The following ZP4 variants were observed in gnomAD, a reference collection of about 807,000 sequenced individuals.
The protein encoded by ZP4 is zona pellucida glycoprotein 4, also known as zona pellucida sperm-binding protein 4.
A neutral mutation model predicts 62.3 loss-of-function variants in ZP4; 62 were observed. The observed-to-expected ratio is 0.99, with a 90% CI of 0.81 to 1.23. The LOEUF (loss-of-function observed/expected upper bound fraction) is 1.23. ZP4 is among the 50% of genes most tolerant of loss of function. The pLI is 0.00. For synonymous variants in ZP4, 289 were observed against 247.3 expected (o/e 1.17, Z -1.58); for missense variants, 774 against 656.0 (o/e 1.18, Z -1.97).
At chr1:237,883,315 G>A (rs1273642214) in intron 10 of ZP4, among the ~76,000 whole-genome samples, 2 of 151,866 alleles carry the variant, frequency 1.3e-5, no homozygotes, top group Non-Finnish European at 2.9e-5. Context: ...GATGGCAAAT[G>A]GAAGAGTGGG....
At chr1:237,889,010 G>A (rs970253482) in intron 3 of ZP4, among the ~76,000 whole-genome samples, 2 of 152,156 alleles carry the variant, frequency 1.3e-5, no homozygotes, top group African/African-American at 2.4e-5. Context: ...CTGACTTTGA[G>A]GACGGGCTCT....
chr1:237,886,022 G>A (rs929502130), intron 6 of ZP4, 136 bp from the exon 7 acceptor site: 4 of 1,223,358 alleles, frequency 3.3e-6, no homozygotes, highest in Non-Finnish European at 4.5e-6. Flanking sequence ...CTGCCCTGCT[G>A]GGAGCTGTAT....
At position 237,882,741 on chromosome 1, in the gene ZP4, C is replaced by T. The variant is rs150581114; in HGVS notation, c.1495+1G>A. On this transcript the variant is annotated splice_donor_variant, in intron 11 of 11. Transcript: ENST00000366570. LOFTEE classifies it high-confidence loss of function. Reference sequence around the variant, plus strand: ...TGATCTCCTCCCTCTTGGATACTTACGGAGCTTTTCTGGAGGGTCCTTAGT... The same window carrying T: ...TGATCTCCTCCCTCTTGGATACTTATGGAGCTTTTCTGGAGGGTCCTTAGT... 11 of 1,613,618 alleles carry T rather than the reference C, an allele frequency of 6.8e-6. No homozygotes were observed. Among genetic ancestry groups the T allele is most frequent in the African/African-American group, 5.3e-5 (4 of 74,874 alleles).
intron 6 of ZP4, 132 bp from the exon 7 acceptor site, chr1:237,886,018 T>C: frequency 8.1e-7 from 1 of 1,234,954 alleles, no homozygotes; most frequent in East Asian, 2.4e-5. Flanking sequence ...GTTCCTGCCC[T>C]GCTGGGAGCT....
chr1:237,889,046 G>C (rs1284242861), intron 3 of ZP4, among the ~76,000 whole-genome samples: 1 of 152,170 alleles, frequency 6.6e-6, no homozygotes, highest in African/African-American at 2.4e-5. Flanking sequence ...TTCTAAAGTT[G>C]AGTAGGCATC....
chr1:237,888,299 G>C, intron 4 of ZP4, 59 bp downstream of exon 4: 1 of 1,461,270 alleles, frequency 6.8e-7, no homozygotes, highest in Non-Finnish European at 9.1e-7. Flanking sequence ...CCCTCTCTGG[G>C]TTTCATTGTA....
intron 6 of ZP4, among the ~76,000 whole-genome samples, chr1:237,886,331 G>A (rs553191124): frequency 2.0e-5 from 3 of 152,266 alleles, no homozygotes; most frequent in Non-Finnish European, 2.9e-5. Context: ...AAGTGAACAG[G>A]CTGGAGATGA....
rs1665204504 is a variant in ZP4, at chr1:237,890,094, C to T, written c.258G>A (p.Val86=). ...WIRKGPGSSV[V]LEATYSSCYV... Reference sequence around the variant, plus strand: ...AGCAGCTGCTATAGGTTGCCTCCAACACCACGGAGCTGCCTGGACCTTTTC... The same window carrying T: ...AGCAGCTGCTATAGGTTGCCTCCAATACCACGGAGCTGCCTGGACCTTTTC... The change falls in exon 2 of 12, where the codon GTG becomes GTA. Residue 86 remains valine, a synonymous_variant. Coordinates refer to ENST00000366570, the MANE Select transcript of ZP4 (RefSeq NM_021186.5). 1.2e-6 allele frequency: 2 copies of T among 1,614,050 alleles called. No homozygotes were observed. The highest frequency in any genetic ancestry group is 1.1e-5 in the South Asian group (1 of 91,088).
rs1315646464 is a variant in ZP4, at chr1:237,883,760, AG to A, written c.1391-915del. ...GAGAGAGGGAGAGAGAGGGAGAGAG[AG>A]GGAGAGAGAGGAAGAGAGAGGAAGA... On this transcript the variant is annotated intron_variant, in intron 10 of 11. Coordinates refer to ENST00000366570, the MANE Select transcript of ZP4 (RefSeq NM_021186.5). Among the ~76,000 whole-genome samples the A allele has an allele frequency of 3.8e-4, 49 of 129,596 alleles. 3 individuals are homozygous for A. Among genetic ancestry groups the A allele is most frequent in the Non-Finnish European group, 7.9e-4 (47 of 59,730 alleles). The allele number at this position is 129,596 out of a possible 152,430, so 85.0% of individuals were successfully genotyped here. A position where few individuals can be genotyped will look rare whatever the true frequency, so the allele number is the denominator to read the frequency against.
At position 237,885,455 on chromosome 1, in the gene ZP4, G is replaced by A. The variant is rs1433541197; in HGVS notation, c.1096C>T (p.Gln366Ter). The A allele has an allele frequency of 1.9e-6, 3 of 1,614,134 alleles. No individual in the cohort carries two copies. Among genetic ancestry groups the A allele is most frequent in the Non-Finnish European group, 2.5e-6 (3 of 1,180,020 alleles). The change falls in exon 8 of 12, where the codon CAG (glutamine) becomes TAG (stop). Residue 366 changes from glutamine to a stop codon, truncating the protein, a stop_gained. Transcript: ENST00000366570. LOFTEE classifies it high-confidence loss of function. ...TCAGTGCTGGGTGTTGCCCAACACT[G>A]TTGTAGGAGCAGCCCCAGGTAGGGG... ...TDPYLGLLLQ[Q>*]CWATPSTDPL...
chr1:237,886,373 T>G (rs1372792979), intron 6 of ZP4, among the ~76,000 whole-genome samples: 2 of 151,426 alleles, frequency 1.3e-5, no homozygotes, highest in Non-Finnish European at 2.9e-5. Context: ...GGTCCTGATG[T>G]TCATCTTAAA....
chr1:237,884,063 AACACACACAAACAC>A (rs1558531329), intron 10 of ZP4, among the ~76,000 whole-genome samples: 2 of 137,940 alleles, frequency 1.4e-5, no homozygotes, highest in African/African-American at 6.3e-5. Context: ...AACACACACA[AACACACACAAACAC>A]ACACAAACAC....
intron 1 of ZP4, 137 bp from the exon 2 acceptor site, chr1:237,890,313 G>T (rs1665210999): frequency 6.6e-7 from 1 of 1,509,680 alleles, no homozygotes; most frequent in Admixed American, 1.8e-5. Flanking sequence ...CAGATCAGAT[G>T]TAGTTATAAC....
At chr1:237,889,634 A>G (rs1291250186) in intron 3 of ZP4, among the ~76,000 whole-genome samples, 2 of 152,122 alleles carry the variant, frequency 1.3e-5, no homozygotes, top group South Asian at 2.1e-4. Flanking sequence ...TTGCAGCACT[A>G]TGTTAGGGTT....
intron 3 of ZP4, among the ~76,000 whole-genome samples, chr1:237,888,773 TG>T (rs770144166): frequency 3.2e-4 from 48 of 152,260 alleles, no homozygotes; most frequent in Admixed American, 5.9e-4. Flanking sequence ...TAGAAGCAGT[TG>T]GGGGGTTTCT....
chr1:237,887,554 C>G lies in ZP4; in HGVS notation c.561G>C (p.Leu187Phe). ...AGAAATGGCCCTCTCGGGTACAATG[C>G]AAGGTCACTGAAACAGAGCAGCTGT... ...NSCYYGNTVTLHCTREGHFSI... is the reference protein window; with the variant it reads ...NSCYYGNTVTFHCTREGHFSI... The change falls in exon 5 of 12, where the codon TTG becomes TTC. Residue 187 changes from leucine (L) to phenylalanine (F), a missense_variant. Physicochemically the swap from Leu to Phe is conservative, Grantham distance 22 (BLOSUM62 0). Coordinates refer to ENST00000366570, the MANE Select transcript of ZP4 (RefSeq NM_021186.5). The G allele has an allele frequency of 1.2e-6, 2 of 1,613,590 alleles. No homozygotes were observed. Among genetic ancestry groups the G allele is most frequent in the Non-Finnish European group, 1.7e-6 (2 of 1,179,720 alleles).
chr1:237,890,400 T>A, intron 1 of ZP4, 61 bp downstream of exon 1: 1 of 1,555,932 alleles, frequency 6.4e-7, no homozygotes, highest in Non-Finnish European at 8.7e-7. Context: ...TAGGGAGACA[T>A]CTTAGGTAGT....
intron 4 of ZP4, among the ~76,000 whole-genome samples, chr1:237,888,064 A>G (rs971257412): frequency 1.3e-5 from 2 of 152,214 alleles, no homozygotes; most frequent in African/African-American, 2.4e-5. Flanking sequence ...ACAATCCAAG[A>G]CCATCAGCCA....
At chr1:237,884,033 AACACACACAAAC>A (rs1360078399) in intron 10 of ZP4, among the ~76,000 whole-genome samples, 1 of 80,530 alleles carries the variant, frequency 1.2e-5, no homozygotes, top group Non-Finnish European at 2.5e-5. Context: ...CACACACACA[AACACACACAAAC>A]ACACACAAAC....
Sources: gnomAD v4.1 joint callset for allele counts (sites outside exome capture counted in the v4.1 genomes callset) on GRCh38, gnomAD v4.1.1 for gene constraint, MANE v1.5 for transcripts, NCBI Gene and HGNC (gene_info 2026-07-23, HGNC 2026-07-21) for gene names.